Variants in MASP1 observed in about 807,000 individuals in gnomAD.
MASP1 encodes MBL associated serine protease 1.
A neutral mutation model predicts 77.1 loss-of-function variants in MASP1; 59 were observed. The observed-to-expected ratio is 0.77, with a 90% confidence interval of 0.62 to 0.95. The LOEUF is 0.95. Ranked by LOEUF, MASP1 falls within the 40% of genes least tolerant of loss-of-function variation. The pLI is 0.00. For missense variants in MASP1, 885 were observed against 912.9 expected, an observed-to-expected ratio of 0.97 and a Z score of 0.39; for synonymous variants, 362 against 354.5, an observed-to-expected ratio of 1.02 and a Z score of -0.24.
At position 187,251,299 on chromosome 3, in the gene MASP1, A is replaced by G. The variant is rs891141377; in HGVS notation, c.1011+335T>C. The stretch of plus-strand genomic sequence containing the variant: ...TAAACTGTTTACTTCCTTTCCTGGT[A>G]TCCCACTCCACTCCCCTCTATAAGC... On this transcript the variant is annotated intron_variant, in intron 7 of 10. Transcript: ENST00000296280. The G allele has an allele frequency of 3.0e-5, 9 of 296,574 alleles. No homozygotes were observed. In the South Asian group the frequency reaches 3.5e-4, roughly 12 times the overall value. The allele number at this position is 296,574 out of a possible 1,614,324, so 18.4% of individuals were successfully genotyped here. A position where few individuals can be genotyped will look rare whatever the true frequency, so the allele number is the denominator to read the frequency against.
chr3:187,253,140 C>T (rs369832429), intron 6 of MASP1, 28 bp downstream of exon 6: 36 of 1,612,828 alleles, frequency 2.2e-5, no homozygotes, highest in South Asian at 1.1e-4. Flanking sequence ...CACAGCAGCT[C>T]GGTGTGACCT....
At chr3:187,241,420 C>A in intron 10 of MASP1, 61 bp downstream of exon 10, 1 of 1,389,626 alleles carries the variant, frequency 7.2e-7, no homozygotes, top group Non-Finnish European at 1.0e-6. Flanking sequence ...AGCCAGAAAA[C>A]CTGGGGTCCT....
At chr3:187,219,801 T>A in exon 16 of MASP1, 1 of 510,674 alleles carries the variant, frequency 2.0e-6, no homozygotes, top group Non-Finnish European at 3.6e-6. Context: ...ATGAAGAAAC[T>A]GAAGTTCGAA....
intron 11 of MASP1, among the ~76,000 whole-genome samples, chr3:187,228,859 G>A (rs1355372463): frequency 6.6e-6 from 1 of 152,206 alleles, no homozygotes; most frequent in South Asian, 2.1e-4. Context: ...GATTTATGTA[G>A]CCCTGGTGCT....
chr3:187,260,999 C>A, intron 3 of MASP1, 127 bp from the exon 4 acceptor site: 1 of 1,094,942 alleles, frequency 9.1e-7, no homozygotes. Flanking sequence ...TCATTTAATC[C>A]TCTCATACAG....
At position 187,236,373 on chromosome 3, in the gene MASP1, G is replaced by A. The variant is rs200552866; in HGVS notation, c.1498C>T (p.Arg500Cys). 5.7e-5 allele frequency: 92 copies of A among 1,614,236 alleles called. No homozygotes were observed. Among genetic ancestry groups the A allele is most frequent in the Non-Finnish European group, 7.0e-5 (83 of 1,180,052 alleles). The change falls in exon 11 of 11, where the codon CGC (arginine) becomes TGC (cysteine). Residue 500 changes from arginine to cysteine, a missense_variant. Transcript: ENST00000296280. ...ACCGTGGTGTCTCTACGCTGGGAGC[G>A]CAGCACATGAGCTGCTGTGAGGATC... is the stretch of plus-strand genomic sequence containing the variant. The part of the protein sequence containing the change: ...SWILTAAHVL[R>C]SQRRDTTVIP...
chr3:187,229,733 C>T (rs1004624585), downstream of MASP1: 7 of 1,613,144 alleles, frequency 4.3e-6, no homozygotes, highest in Non-Finnish European at 5.9e-6. Context: ...AGTTCCTTAG[C>T]TTCCACCCCT....
At chr3:187,276,102 C>CT (rs869208709) in intron 2 of MASP1, among the ~76,000 whole-genome samples, 1 of 342 alleles carries the variant, frequency 2.9e-3, no homozygotes, top group Non-Finnish European at 0.01. Context: ...GGTTAAAGTG[C>CT]CCCCCAGGGT....
intron 14 of MASP1, among the ~76,000 whole-genome samples, chr3:187,222,232 A>T (rs1189619826): frequency 6.6e-6 from 1 of 152,170 alleles, no homozygotes; most frequent in Non-Finnish European, 1.5e-5. Context: ...GTTCTGGAGC[A>T]TCCTGCATTT....
At chr3:187,275,735 A>ATGTC (rs1215511934) in intron 2 of MASP1, among the ~76,000 whole-genome samples, 1 of 152,026 alleles carries the variant, frequency 6.6e-6, no homozygotes, top group Non-Finnish European at 1.5e-5. Flanking sequence ...TGCTATCTGA[A>ATGTC]TGTCGAATGA....
rs1379119950 is a variant in MASP1 at position 187,235,634 on chromosome 3, T to G, written c.*50A>C. ...GTAATGTGGAGTGTGCTGTCGGAAG[T>G]GCGGTGTAGCTTCGCTCAGGGGAGG... On this transcript the variant is annotated 3_prime_UTR_variant, in exon 11 of 11. Transcript: ENST00000296280. The G allele has an allele frequency of 1.2e-6, 2 of 1,610,134 alleles. No homozygotes were observed. Among genetic ancestry groups the G allele is most frequent in the African/African-American group, 2.7e-5 (2 of 74,892 alleles).
At chr3:187,274,896 G>T (rs1716834243) in intron 2 of MASP1, among the ~76,000 whole-genome samples, 2 of 150,568 alleles carry the variant, frequency 1.3e-5, no homozygotes, top group South Asian at 4.2e-4. Context: ...CCTGCCAAGA[G>T]CCTGGGAAGC....
chr3:187,232,846 C>T (rs867630493), downstream of MASP1, among the ~76,000 whole-genome samples: 3 of 152,156 alleles, frequency 2.0e-5, no homozygotes, highest in African/African-American at 7.2e-5. Context: ...AAGTGCAAAG[C>T]GTAAATAAGC....
In MASP1 at chr3:187,236,107, G is replaced by A. The variant is rs1310851734; in HGVS notation, c.1764C>T (p.Gly588=). Reference sequence around the variant, plus strand: ...TGGAGATGCCCCAGCCGGCCACCAGGCCCAGCATGTGGGGGGCCGGGCCTT... The same window carrying A: ...TGGAGATGCCCCAGCCGGCCACCAGACCCAGCATGTGGGGGGCCGGGCCTT... ...EPEGPAPHML[G]LVAGWGISNP... Residue 588 remains glycine (G), a synonymous_variant, in exon 11 of 11, where the codon GGC becomes GGT. Transcript: ENST00000296280. 1.2e-6 allele frequency: 2 copies of A among 1,613,846 alleles called. No homozygotes were observed. The highest frequency in any genetic ancestry group is 2.2e-5 in the South Asian group (2 of 91,084).
chr3:187,256,501 C>A, intron 5 of MASP1, 163 bp downstream of exon 5: 2 of 725,170 alleles, frequency 2.8e-6, no homozygotes, highest in Non-Finnish European at 4.8e-6. Flanking sequence ...TGGAATAGAT[C>A]TAACTAAGAT....
chr3:187,254,200 A>T (rs1207393854), intron 5 of MASP1, among the ~76,000 whole-genome samples: 1 of 152,252 alleles, frequency 6.6e-6, no homozygotes, highest in African/African-American at 2.4e-5. Flanking sequence ...GATGATATGC[A>T]TATACAAAAG....
intron 6 of MASP1, among the ~76,000 whole-genome samples, chr3:187,252,731 T>G (rs912118470): frequency 3.9e-5 from 6 of 152,070 alleles, no homozygotes; most frequent in African/African-American, 1.2e-4. Context: ...CCCATGGGCT[T>G]TGCTGATGGG....
At chr3:187,228,535 T>C (rs1360203766) in intron 11 of MASP1, among the ~76,000 whole-genome samples, 1 of 152,082 alleles carries the variant, frequency 6.6e-6, no homozygotes, top group Non-Finnish European at 1.5e-5. Flanking sequence ...TACCTCCTCC[T>C]CTTGTTGTAT....
At chr3:187,263,861 G>C (rs984631802) in intron 2 of MASP1, among the ~76,000 whole-genome samples, 1 of 152,160 alleles carries the variant, frequency 6.6e-6, no homozygotes, top group Non-Finnish European at 1.5e-5. Flanking sequence ...ATGATAGCTA[G>C]TTGGTATATT....
Sources: allele counts gnomAD v4.1 joint callset (sites outside exome capture counted in the v4.1 genomes callset), GRCh38; gene constraint gnomAD v4.1.1; transcripts MANE v1.5; gene names NCBI Gene and HGNC (gene_info 2026-07-23, HGNC 2026-07-21).